Variants in TRIM2 observed in about 807,000 individuals in gnomAD.
The protein encoded by TRIM2 is tripartite motif containing 2.
TRIM2 carries 20 observed loss-of-function variants against 75.2 expected under a neutral mutation model. The observed-to-expected ratio is 0.27, with a 90% CI of 0.19 to 0.39. The LOEUF (loss-of-function observed/expected upper bound fraction) is 0.39. Ranked by LOEUF, TRIM2 falls within the 10% of genes least tolerant of loss-of-function variation. The pLI is 1.00. For synonymous variants in TRIM2, 373 were observed against 388.3 expected (o/e 0.96, Z 0.46); for missense variants, 660 against 990.8 (o/e 0.67, Z 4.48).
intron 1 of TRIM2, among the ~76,000 whole-genome samples, chr4:153,223,329 CA>C (rs1325730423): frequency 6.6e-6 from 1 of 152,094 alleles, no homozygotes; most frequent in Admixed American, 6.5e-5. Flanking sequence ...GGATAGCTTT[CA>C]AAGTCATTTT....
chr4:153,320,059 G>C (rs1234325721), intron 8 of TRIM2, among the ~76,000 whole-genome samples: 1 of 152,170 alleles, frequency 6.6e-6, no homozygotes, highest in Non-Finnish European at 1.5e-5. Context: ...TGACATTCTT[G>C]TTTTAATCAT....
chr4:153,196,117 G>C (rs1366675870), intron 1 of TRIM2, among the ~76,000 whole-genome samples: 2 of 152,144 alleles, frequency 1.3e-5, no homozygotes, highest in East Asian at 1.9e-4. Flanking sequence ...GCCAGAAAAG[G>C]GAAACTTTGA....
At chr4:153,208,204 G>A (rs1009421378) in intron 1 of TRIM2, among the ~76,000 whole-genome samples, 6 of 152,082 alleles carry the variant, frequency 3.9e-5, no homozygotes, top group Admixed American at 1.3e-4. Flanking sequence ...AGGCTGAGGC[G>A]GTAGGATCAC....
chr4:153,210,425 G>A (rs72965007), intron 1 of TRIM2, among the ~76,000 whole-genome samples: 2 of 152,202 alleles, frequency 1.3e-5, no homozygotes, highest in Non-Finnish European at 2.9e-5. Context: ...AGTCTCTTTC[G>A]CAGCAAAAGT....
intron 1 of TRIM2, among the ~76,000 whole-genome samples, chr4:153,192,361 C>A (rs1239543110): frequency 5.3e-5 from 8 of 152,108 alleles, no homozygotes; most frequent in Non-Finnish European, 1.0e-4. Flanking sequence ...AATCCCAACA[C>A]TTTGGGAGGC....
At chr4:153,327,789 C>G (rs186940060) in intron 10 of TRIM2, among the ~76,000 whole-genome samples, 61 of 152,284 alleles carry the variant, frequency 4.0e-4, no homozygotes, top group African/African-American at 1.3e-3. Context: ...CTTAAGAGTT[C>G]TGTTTAGCCC....
At chr4:153,243,821 C>G (rs868649165) in intron 1 of TRIM2, among the ~76,000 whole-genome samples, 2 of 104,492 alleles carry the variant, frequency 1.9e-5, no homozygotes, top group Admixed American at 2.0e-4. Context: ...TTTTTTTTCC[C>G]CCCCCCCTTG....
In TRIM2 at chr4:153,209,869, G is replaced by T. The variant is rs113502818; in HGVS notation, c.30+5309G>T. Among the ~76,000 whole-genome samples, 387 of 152,194 alleles carry T rather than the reference G, an allele frequency of 2.5e-3. 2 individuals carry two copies. Among genetic ancestry groups the T allele is most frequent in the African/African-American group, 7.8e-3 (323 of 41,510 alleles). ...GTATATCCCACCAGAGACCTTCCAA[G>T]GATGGGTTTTTTCCTCCATATGACT... On this transcript the variant is annotated intron_variant, in intron 1 of 11. Transcript: ENST00000338700.
intron 1 of TRIM2, chr4:153,257,480 A>G (rs1752347160): frequency 7.9e-7 from 1 of 1,272,270 alleles, no homozygotes; most frequent in Admixed American, 2.4e-5. Flanking sequence ...ACCCAGAAAC[A>G]TTCCTGCCGA....
chr4:153,166,002 T>C (rs758804541), intron 1 of TRIM2, among the ~76,000 whole-genome samples: 4 of 152,198 alleles, frequency 2.6e-5, no homozygotes, highest in Non-Finnish European at 5.9e-5. Flanking sequence ...GGAACTCCAG[T>C]TGGCTGGAAA....
intron 6 of TRIM2, among the ~76,000 whole-genome samples, chr4:153,305,554 A>G (rs1253161033): frequency 6.6e-6 from 1 of 152,240 alleles, no homozygotes; most frequent in Non-Finnish European, 1.5e-5. Flanking sequence ...GAGGCTGTGA[A>G]GTCCAGAGGC....
rs377428801 is a variant in TRIM2 at position 153,285,417 on chromosome 4, GT to G, written c.454-7561del. The stretch of plus-strand genomic sequence containing the variant: ...TCAAGATTGTTTTGGCTATTTAGTA[GT>G]TTTCAGTATTCAAGTCTTGCACTTC... On this transcript the variant is annotated intron_variant, in intron 3 of 11. Transcript: ENST00000338700. Among the ~76,000 whole-genome samples the G allele has an allele frequency of 5.3e-4, 81 of 152,220 alleles. 1 individual carries two copies. Among genetic ancestry groups the G allele is most frequent in the African/African-American group, 1.9e-3 (78 of 41,542 alleles).
intron 1 of TRIM2, among the ~76,000 whole-genome samples, chr4:153,184,153 C>T (rs143168771): frequency 7.4e-4 from 113 of 152,202 alleles, no homozygotes; most frequent in African/African-American, 2.5e-3. Context: ...TTAGTCTGCT[C>T]GGGCTGCCAT....
At chr4:153,300,905 TG>T (rs1226512930) in intron 6 of TRIM2, among the ~76,000 whole-genome samples, 2 of 151,786 alleles carry the variant, frequency 1.3e-5, no homozygotes, top group Admixed American at 1.3e-4. Context: ...AAAATAGACA[TG>T]GGGGCCGGGC....
At chr4:153,329,524 CAAGCAGAAGG>C (rs1462715003) in intron 11 of TRIM2, among the ~76,000 whole-genome samples, 1 of 151,532 alleles carries the variant, frequency 6.6e-6, no homozygotes, top group African/African-American at 2.4e-5. Context: ...AAACCCCAAA[CAAGCAGAAGG>C]AAGCAAGGCC....
intron 1 of TRIM2, among the ~76,000 whole-genome samples, chr4:153,244,385 T>C (rs1386128852): frequency 3.2e-4 from 23 of 72,794 alleles, no homozygotes; most frequent in Admixed American, 9.9e-4. Context: ...CTTCTTCTTC[T>C]TCTTCTTCTT....
At chr4:153,292,191 T>A (rs1476597594) in intron 3 of TRIM2, among the ~76,000 whole-genome samples, 1 of 152,246 alleles carries the variant, frequency 6.6e-6, no homozygotes, top group Admixed American at 6.5e-5. Flanking sequence ...TTCCACAGGC[T>A]ATGTGATGTA....
intron 1 of TRIM2, among the ~76,000 whole-genome samples, chr4:153,237,531 T>G (rs1171909165): frequency 1.3e-5 from 2 of 151,906 alleles, no homozygotes; most frequent in Non-Finnish European, 2.9e-5. Context: ...ATACAAAAAA[T>G]TAGCCGAGGG....
chr4:153,161,293 C>G (rs1159077814), intron 1 of TRIM2, among the ~76,000 whole-genome samples: 1 of 152,170 alleles, frequency 6.6e-6, no homozygotes, highest in Non-Finnish European at 1.5e-5. Context: ...TACACAAAAG[C>G]TTTGTGCTAG....
Sources: gnomAD v4.1 joint callset for allele counts (sites outside exome capture counted in the v4.1 genomes callset) on GRCh38, gnomAD v4.1.1 for gene constraint, MANE v1.5 for transcripts, NCBI Gene and HGNC (gene_info 2026-07-23, HGNC 2026-07-21) for gene names.